AGAP1: variants seen among roughly 807,000 people sequenced by gnomAD.
AGAP1 encodes arf-GAP with GTPase, ANK repeat and PH domain-containing protein 1.
Under a neutral mutation model 105.3 loss-of-function variants are expected in AGAP1, and 29 were observed. That is an observed-to-expected ratio of 0.28 (90% confidence interval 0.21 to 0.38). AGAP1 has a LOEUF of 0.38. AGAP1 is among the 10% of genes least tolerant of loss of function. The pLI is 1.00. For synonymous variants in AGAP1, 509 were observed against 485.9 expected (o/e 1.05, Z -0.63); for missense variants, 998 against 1,165.1 (o/e 0.86, Z 2.09).
At position 236,067,518 on chromosome 2, in the gene AGAP1, A is replaced by G. The variant is rs577975229; in HGVS notation, c.2114+18237A>G. Among the ~76,000 whole-genome samples the G allele has an allele frequency of 2.6e-5, 4 of 152,334 alleles. No homozygotes were observed. The South Asian group carries it at 8.3e-4, about 32-fold the overall frequency. On this transcript the variant is annotated intron_variant, in intron 16 of 17. Transcript: ENST00000304032. ...AATCAGGTGGGCAGGACAAGTCTTC[A>G]GTATCTACAGAAATGCCTAGTATTG...
chr2:235,717,770 A>G, intron 3 of AGAP1, 126 bp downstream of exon 3: 1 of 793,094 alleles, frequency 1.3e-6, no homozygotes, highest in South Asian at 1.8e-5. Flanking sequence ...ACCAAGCGGT[A>G]AAAACCCTTA....
At chr2:236,072,376 G>A (rs906689969) in intron 16 of AGAP1, 5 of 152,026 alleles carry the variant, frequency 3.3e-5, no homozygotes, top group Admixed American at 2.6e-4. Flanking sequence ...GGGAGGCAGA[G>A]CTTGCAGTGA....
At position 236,087,554 on chromosome 2, in the gene AGAP1, C is replaced by T. The variant is rs1405098210; in HGVS notation, c.2115-32638C>T. On this transcript the variant is annotated intron_variant, in intron 16 of 17. Transcript: ENST00000304032. The surrounding 1 kb of genome is among the most constrained non-coding windows in gnomAD (Gnocchi z 5.7). ...GGTGCACACTGCCCATGACGGGCTA[C>T]TTGGACGGCTCATGCCCACCTCTGA... 6.6e-6 allele frequency among the ~76,000 whole-genome samples: 1 copy of T among 152,214 alleles called. No individual in the cohort carries two copies. The highest frequency in any genetic ancestry group is 2.4e-5 in the African/African-American group (1 of 41,462).
chr2:236,112,569 G>A (rs2059675733), intron 16 of AGAP1, among the ~76,000 whole-genome samples: 1 of 152,200 alleles, frequency 6.6e-6, no homozygotes, highest in Admixed American at 6.5e-5. Context: ...TCGCTGGGTT[G>A]GCTGTCTTGC....
In AGAP1 at chr2:235,951,913, AC is replaced by A. The variant is rs2053754387; in HGVS notation, c.1484-16546del. Among the ~76,000 whole-genome samples the A allele has an allele frequency of 6.6e-6, 1 of 151,820 alleles. No individual in the cohort carries two copies. The highest frequency in any genetic ancestry group is 1.5e-5 in the Non-Finnish European group (1 of 68,022). ...GATTTTTGGTGGAAACAAATGGTCCACCCTGATCTACTCATTTACCATCTGG... is the reference window on the plus strand; with the variant it reads ...GATTTTTGGTGGAAACAAATGGTCCACCTGATCTACTCATTTACCATCTGG... On this transcript the variant is annotated intron_variant, in intron 12 of 17. Coordinates refer to ENST00000304032, the MANE Select transcript of AGAP1 (RefSeq NM_001037131.3). This position sits in a 1 kb window ranked among gnomAD's most constrained non-coding sequence, Gnocchi z 4.2.
chr2:235,990,655 C>G (rs1204992669), intron 13 of AGAP1, among the ~76,000 whole-genome samples: 1 of 152,078 alleles, frequency 6.6e-6, no homozygotes, highest in African/African-American at 2.4e-5. Context: ...GACCTTGCCT[C>G]AGAGGACACA....
rs561772021 is a variant in AGAP1 at position 235,631,188 on chromosome 2, G to T, written c.164-77991G>T. 2.6e-5 allele frequency among the ~76,000 whole-genome samples: 4 copies of T among 152,262 alleles called. No individual in the cohort carries two copies. The highest frequency in any genetic ancestry group is 1.9e-4 in the East Asian group (1 of 5,180). On this transcript the variant is annotated intron_variant, in intron 1 of 17. Transcript: ENST00000304032. The surrounding 1 kb of genome is among the most constrained non-coding windows in gnomAD (Gnocchi z 5.4). ...GTTCATTACTTCTGCAAATAAACAC[G>T]TTGAAGAGCCTCCTTCCAGTGGGTA...
intron 11 of AGAP1, among the ~76,000 whole-genome samples, chr2:235,911,818 C>T (rs758673030): frequency 1.3e-5 from 2 of 152,242 alleles, no homozygotes; most frequent in African/African-American, 4.8e-5. Context: ...CCGCAACCCT[C>T]AAACAGGTTA....
Position 235,769,968 on chromosome 2 carries a change from ATC to A in AGAP1, c.673+19483_673+19484del, listed in dbSNP as rs1435403313. ...GTATGTTTCATATATTAGCAAGTGTATCTCATATCTTCTGAATACACACATTT... is the reference window on the plus strand; with the variant it reads ...GTATGTTTCATATATTAGCAAGTGTATCATATCTTCTGAATACACACATTT... On this transcript the variant is annotated intron_variant, in intron 6 of 17. Transcript: ENST00000304032. The surrounding 1 kb of genome is among the most constrained non-coding windows in gnomAD (Gnocchi z 4.4). 2.0e-5 allele frequency among the ~76,000 whole-genome samples: 3 copies of A among 152,168 alleles called. No homozygotes were observed. The highest frequency in any genetic ancestry group is 2.9e-5 in the Non-Finnish European group (2 of 68,020).
intron 13 of AGAP1, among the ~76,000 whole-genome samples, chr2:236,007,982 C>T (rs747533363): frequency 9.2e-5 from 14 of 152,272 alleles, no homozygotes; most frequent in African/African-American, 1.4e-4. Context: ...GCATTTTACT[C>T]CACACGTCAT....
chr2:235,933,315 C>T (rs931304664), intron 12 of AGAP1, among the ~76,000 whole-genome samples: 3 of 152,034 alleles, frequency 2.0e-5, no homozygotes, highest in African/African-American at 7.2e-5. Context: ...TAGCCACGAG[C>T]CGCAGTGAAG....
At chr2:235,869,493 C>G (rs1463737977) in intron 9 of AGAP1, among the ~76,000 whole-genome samples, 1 of 146,912 alleles carries the variant, frequency 6.8e-6, no homozygotes, top group Non-Finnish European at 1.5e-5. Context: ...CCCAGCTACT[C>G]AGGAGGCTGA....
intron 9 of AGAP1, among the ~76,000 whole-genome samples, chr2:235,815,379 G>T (rs138742449): frequency 6.6e-6 from 1 of 152,318 alleles, no homozygotes; most frequent in East Asian, 1.9e-4. Flanking sequence ...CACACGCCTG[G>T]TGTCTCTTTT....
At chr2:236,094,375 T>TA (rs1392055448) in intron 16 of AGAP1, among the ~76,000 whole-genome samples, 1 of 151,540 alleles carries the variant, frequency 6.6e-6, no homozygotes, top group Non-Finnish European at 1.5e-5. Flanking sequence ...TTTTTTTTTT[T>TA]AGACAGGGTC....
At position 235,943,145 on chromosome 2, in the gene AGAP1, A is replaced by G. The variant is rs190735524; in HGVS notation, c.1483+12222A>G. 2.9e-3 allele frequency among the ~76,000 whole-genome samples: 438 copies of G among 152,092 alleles called. 2 individuals carry two copies. The highest frequency in any genetic ancestry group is 4.4e-3 in the Admixed American group (68 of 15,282). Reference sequence around the variant, plus strand: ...CTTTTTTTCCACATGACTTTATACAACTCTTGGGACAGGAAAATATTCACT... The same window carrying G: ...CTTTTTTTCCACATGACTTTATACAGCTCTTGGGACAGGAAAATATTCACT... On this transcript the variant is annotated intron_variant, in intron 12 of 17. Transcript: ENST00000304032.
intron 16 of AGAP1, among the ~76,000 whole-genome samples, chr2:236,106,595 T>C (rs1404618197): frequency 1.3e-5 from 2 of 152,232 alleles, no homozygotes; most frequent in African/African-American, 4.8e-5. Flanking sequence ...AACCCGAGAA[T>C]TCACGTAAGC....
intron 16 of AGAP1, among the ~76,000 whole-genome samples, chr2:236,054,647 A>C (rs559321445): frequency 1.4e-3 from 207 of 152,332 alleles, no homozygotes; most frequent in African/African-American, 4.6e-3. Flanking sequence ...CAGAACACGC[A>C]TAACAAGCTA....
At chr2:235,636,450 GT>G (rs1420307316) in intron 1 of AGAP1, among the ~76,000 whole-genome samples, 1 of 152,172 alleles carries the variant, frequency 6.6e-6, no homozygotes, top group East Asian at 1.9e-4. Flanking sequence ...GTTCATGCCT[GT>G]GGAAAGGGAA....
intron 13 of AGAP1, among the ~76,000 whole-genome samples, chr2:235,995,065 CAAAAAAAAAAAAAAAAA>C (rs58097220): frequency 3.3e-4 from 20 of 60,946 alleles, no homozygotes; most frequent in African/African-American, 1.1e-3. Context: ...GACTCTGTCT[CAAAAAAAAAAAAAAAAA>C]AAAAAAAAAA....
Sources: allele counts gnomAD v4.1 joint callset (sites outside exome capture counted in the v4.1 genomes callset), GRCh38; gene constraint gnomAD v4.1.1; non-coding constraint Gnocchi (gnomAD v3.1); transcripts MANE v1.5; gene names NCBI Gene and HGNC (gene_info 2026-07-23, HGNC 2026-07-21).